Variants in ZFAND6 observed in about 807,000 individuals in gnomAD.
ZFAND6 encodes the protein zinc finger AN1-type containing 6, also known as AN1-type zinc finger protein 6.
ZFAND6 carries 12 observed loss-of-function variants against 24.5 expected under a neutral mutation model. That is an observed-to-expected ratio of 0.49 (90% CI 0.31 to 0.79). ZFAND6 has a LOEUF of 0.79. ZFAND6 is among the 30% of genes least tolerant of loss of function. The pLI, the probability that ZFAND6 is intolerant of heterozygous loss-of-function variation, is 0.04. For synonymous variants in ZFAND6, 92 were observed against 81.5 expected (o/e 1.13, Z -0.69); for missense variants, 207 against 245.9 (o/e 0.84, Z 1.06).
chr15:80,087,534 G>A (rs1596231735), intron 1 of ZFAND6, among the ~76,000 whole-genome samples: 2 of 152,072 alleles, frequency 1.3e-5, no homozygotes, highest in African/African-American at 2.4e-5. Context: ...AAGATTTCTG[G>A]TCCCAGCACC....
intron 1 of ZFAND6, among the ~76,000 whole-genome samples, chr15:80,097,399 A>G (rs971216693): frequency 6.6e-6 from 1 of 152,088 alleles, no homozygotes; most frequent in Non-Finnish European, 1.5e-5. Flanking sequence ...TGTAATCCCA[A>G]CACTTTGGGA....
chr15:80,135,142 A>T (rs890478091), intron 6 of ZFAND6, among the ~76,000 whole-genome samples: 1 of 152,230 alleles, frequency 6.6e-6, no homozygotes, highest in Non-Finnish European at 1.5e-5. Context: ...GAAGACTTTT[A>T]TGATGATCGA....
intron 1 of ZFAND6, among the ~76,000 whole-genome samples, chr15:80,064,786 G>T (rs898606495): frequency 6.6e-6 from 1 of 151,978 alleles, no homozygotes; most frequent in Admixed American, 6.6e-5. Context: ...GATTACAGGC[G>T]TTCCCCACCA....
At chr15:80,128,701 T>C (rs2040473588) in intron 5 of ZFAND6, among the ~76,000 whole-genome samples, 1 of 152,222 alleles carries the variant, frequency 6.6e-6, no homozygotes, top group Non-Finnish European at 1.5e-5. Flanking sequence ...AATCGACATT[T>C]ATTGGTCCCA....
intron 2 of ZFAND6, chr15:80,115,083 G>A (rs1301136667): frequency 1.3e-5 from 2 of 152,086 alleles, no homozygotes; most frequent in Non-Finnish European, 2.9e-5. Flanking sequence ...AAGTTACTAA[G>A]TCTTTTTGAG....
Position 80,108,554 on chromosome 15 carries a change from T to A in ZFAND6, c.-18+9976T>A, listed in dbSNP as rs140044473. Among the ~76,000 whole-genome samples, 194 of 152,230 alleles carry A rather than the reference T, an allele frequency of 1.3e-3. 4 individuals carry two copies. In the East Asian group the frequency reaches 0.032, roughly 25 times the overall value. On this transcript the variant is annotated intron_variant, in intron 2 of 6. Transcript: ENST00000261749. ...AAACTGTGCCTTGTTCTTTAAGGTA[T>A]GTGATATGAAACCTAGGTCAGTTTG... is the stretch of plus-strand genomic sequence containing the variant.
chr15:80,087,156 C>A (rs1269715222), intron 1 of ZFAND6, among the ~76,000 whole-genome samples: 1 of 152,048 alleles, frequency 6.6e-6, no homozygotes, highest in Non-Finnish European at 1.5e-5. Flanking sequence ...TGTTTTTGTT[C>A]TTTGTGGGTA....
At chr15:80,070,937 A>C (rs944019618) in intron 1 of ZFAND6, among the ~76,000 whole-genome samples, 2 of 152,120 alleles carry the variant, frequency 1.3e-5, no homozygotes, top group African/African-American at 4.8e-5. Context: ...CTTTTGCAAG[A>C]GTGTCCACAC....
At chr15:80,061,448 C>T (rs982186428) in intron 1 of ZFAND6, among the ~76,000 whole-genome samples, 11 of 151,988 alleles carry the variant, frequency 7.2e-5, no homozygotes, top group African/African-American at 2.4e-4. Context: ...TTGATGACTC[C>T]CCCCAAACCC....
intron 5 of ZFAND6, chr15:80,130,434 G>A (rs2040547644): frequency 1.3e-5 from 2 of 152,132 alleles, no homozygotes; most frequent in African/African-American, 4.8e-5. Context: ...TTGATCCATG[G>A]GAAATTCCAC....
At chr15:80,113,497 AGGG>A (rs1434770589) in intron 2 of ZFAND6, among the ~76,000 whole-genome samples, 1 of 152,000 alleles carries the variant, frequency 6.6e-6, no homozygotes, top group East Asian at 1.9e-4. Context: ...TTTCGGGAGG[AGGG>A]AGAAAAAGAA....
In ZFAND6 at chr15:80,120,440, A is replaced by G. The variant is rs147450412; in HGVS notation, c.96A>G (p.Val32=). The G allele has an allele frequency of 2.7e-4, 428 of 1,601,650 alleles. 4 individuals are homozygous for G. The highest frequency in any genetic ancestry group is 2.2e-3 in the Middle Eastern group (13 of 6,008). ...GNPRTNGMCS[V]CYKEHLQRQN... ...CTCGTACAAATGGCATGTGTTCAGT[A>G]TGCTATAAAGAACATCTTCAAAGAC... Residue 32 remains valine, a synonymous_variant, in exon 3 of 7, where the codon GTA becomes GTG. Transcript: ENST00000261749.
At chr15:80,072,826 C>CA (rs2037054786) in intron 1 of ZFAND6, among the ~76,000 whole-genome samples, 1 of 151,986 alleles carries the variant, frequency 6.6e-6, no homozygotes, top group Non-Finnish European at 1.5e-5. Context: ...TTCAGAGAAT[C>CA]AAACTTGACT....
chr15:80,075,806 A>T (rs2037239849), intron 1 of ZFAND6, among the ~76,000 whole-genome samples: 1 of 152,112 alleles, frequency 6.6e-6, no homozygotes, highest in Middle Eastern at 3.2e-3. Context: ...CATCGGAGAA[A>T]ATGAACTCGA....
intron 5 of ZFAND6, chr15:80,130,219 A>G (rs1268481344): frequency 6.6e-6 from 1 of 152,250 alleles, no homozygotes; most frequent in African/African-American, 2.4e-5. Context: ...GTGAGAAGCT[A>G]CAGAGAATTG....
intron 6 of ZFAND6, among the ~76,000 whole-genome samples, chr15:80,134,829 A>G (rs1192179605): frequency 6.6e-6 from 1 of 152,234 alleles, no homozygotes; most frequent in Non-Finnish European, 1.5e-5. Flanking sequence ...AAACAGATTG[A>G]CACTAGACAG....
chr15:80,125,570 T>C (rs1166476897), intron 5 of ZFAND6, among the ~76,000 whole-genome samples: 2 of 152,234 alleles, frequency 1.3e-5, no homozygotes, highest in African/African-American at 4.8e-5. Context: ...ATTTAGCATA[T>C]TGAAGCATGT....
At chr15:80,079,280 GC>G (rs2037492403) in intron 1 of ZFAND6, among the ~76,000 whole-genome samples, 1 of 151,978 alleles carries the variant, frequency 6.6e-6, no homozygotes, top group African/African-American at 2.4e-5. Context: ...GAGTGCAGTG[GC>G]GCGATCTCGG....
intron 2 of ZFAND6, among the ~76,000 whole-genome samples, chr15:80,106,158 T>C (rs1295062790): frequency 2.0e-5 from 3 of 152,248 alleles, no homozygotes; most frequent in East Asian, 1.9e-4. Flanking sequence ...CAAAGAGCTA[T>C]GACAAAAGAA....
Sources: gnomAD v4.1 joint callset for allele counts (sites outside exome capture counted in the v4.1 genomes callset) on GRCh38, gnomAD v4.1.1 for gene constraint, MANE v1.5 for transcripts, NCBI Gene and HGNC (gene_info 2026-07-23, HGNC 2026-07-21) for gene names.